BZW2: variants seen among roughly 807,000 people sequenced by gnomAD.
The protein encoded by BZW2 is basic leucine zipper and W2 domains 2.
A neutral mutation model predicts 53.2 loss-of-function variants in BZW2; 23 were observed. The ratio of observed to expected loss-of-function variants is 0.43; its 90% CI spans 0.31 to 0.61. BZW2 has a LOEUF of 0.61. Ranked by LOEUF, BZW2 falls within the 20% of genes least tolerant of loss-of-function variation. The pLI, the probability that BZW2 is intolerant of heterozygous loss-of-function variation, is 0.09. For synonymous variants in BZW2, 227 were observed against 186.4 expected (o/e 1.22, Z -1.77); for missense variants, 409 against 503.1 (o/e 0.81, Z 1.79).
chr7:16,702,312 G>C (rs1399454326), intron 10 of BZW2, among the ~76,000 whole-genome samples: 2 of 152,060 alleles, frequency 1.3e-5, no homozygotes, highest in African/African-American at 4.8e-5. Flanking sequence ...ATGGTGCTCT[G>C]TGTAGATACT....
At chr7:16,665,840 G>A (rs1041696701) in intron 2 of BZW2, among the ~76,000 whole-genome samples, 1 of 152,130 alleles carries the variant, frequency 6.6e-6, no homozygotes, top group African/African-American at 2.4e-5. Context: ...TTATGAAAAC[G>A]TTGATGGCAA....
intron 1 of BZW2, among the ~76,000 whole-genome samples, chr7:16,647,924 G>T (rs1781907605): frequency 6.7e-6 from 1 of 148,896 alleles, no homozygotes; most frequent in African/African-American, 2.4e-5. Flanking sequence ...TCTCACTGGG[G>T]TTGTCAGTTC....
At chr7:16,686,098 A>G in intron 6 of BZW2, 58 bp downstream of exon 6, 1 of 1,592,000 alleles carries the variant, frequency 6.3e-7, no homozygotes, top group Non-Finnish European at 8.6e-7. Context: ...AAAGTCACAG[A>G]TAGTTAGAAA....
chr7:16,703,418 A>C (rs532268096), intron 10 of BZW2, among the ~76,000 whole-genome samples: 2 of 152,202 alleles, frequency 1.3e-5, no homozygotes, highest in Non-Finnish European at 2.9e-5. Context: ...AAAATAAAAA[A>C]AGCCAATGTT....
intron 5 of BZW2, 29 bp from the exon 6 acceptor site, chr7:16,685,876 C>CTTTTTTTTTTTTTTTTTTTTTTTCTT: frequency 7.7e-7 from 1 of 1,293,584 alleles, no homozygotes; most frequent in Non-Finnish European, 9.9e-7. Context: ...TTTTCTTTTT[C>CTTTTTTTTTTTTTTTTTTTTTTTCTT]TTTTTTTTTT....
In BZW2 at chr7:16,682,348, A is replaced by G. The variant is rs374179099; in HGVS notation, c.340-432A>G. ...CATCCTTTATTGCCAGTAAATTATA[A>G]CACGTTTTGCTCATCTGCTAGAAAC... On this transcript the variant is annotated intron_variant, in intron 4 of 11. Transcript: ENST00000258761. Among the ~76,000 whole-genome samples, 12 of 152,292 alleles carry G rather than the reference A, an allele frequency of 7.9e-5. No homozygotes were observed. The East Asian group carries it at 1.7e-3, about 22-fold the overall frequency.
chr7:16,654,140 G>T (rs1213386106), intron 1 of BZW2, among the ~76,000 whole-genome samples: 1 of 150,596 alleles, frequency 6.6e-6, no homozygotes, highest in Non-Finnish European at 1.5e-5. Flanking sequence ...GGGAGACTGA[G>T]GCACGAGAAT....
At chr7:16,659,863 TA>T (rs1295344545) in intron 1 of BZW2, among the ~76,000 whole-genome samples, 6 of 151,296 alleles carry the variant, frequency 4.0e-5, no homozygotes, top group Non-Finnish European at 8.8e-5. Context: ...TTTTTTTTTT[TA>T]TTATACTTTA....
intron 10 of BZW2, among the ~76,000 whole-genome samples, chr7:16,700,018 G>A (rs1173791338): frequency 6.6e-6 from 1 of 152,138 alleles, no homozygotes; most frequent in Non-Finnish European, 1.5e-5. Context: ...AAGTTAGTGA[G>A]GTCTGTGGCA....
At chr7:16,660,549 C>A (rs1782227935) in intron 1 of BZW2, among the ~76,000 whole-genome samples, 1 of 151,966 alleles carries the variant, frequency 6.6e-6, no homozygotes, top group Non-Finnish European at 1.5e-5. Flanking sequence ...CTTCGAGCTA[C>A]TTTATTTGAA....
At chr7:16,656,615 T>C (rs1221415258) in intron 1 of BZW2, among the ~76,000 whole-genome samples, 1 of 151,140 alleles carries the variant, frequency 6.6e-6, no homozygotes, top group Non-Finnish European at 1.5e-5. Context: ...TTAGCATACA[T>C]TGATTACTCT....
intron 2 of BZW2, among the ~76,000 whole-genome samples, chr7:16,666,991 G>A (rs138306730): frequency 6.6e-6 from 1 of 151,876 alleles, no homozygotes; most frequent in East Asian, 2.0e-4. Flanking sequence ...TGTAAGAATA[G>A]CTGAACTGGG....
rs778754758 is a variant in BZW2, at chr7:16,685,931, C to T, written c.432C>T (p.Ser144=). The part of the protein sequence containing the change: ...KKLLLFLKAF[S]ETEQTKLAML... ...TTCTCCTCTTCCTTAAAGCCTTTTC[C>T]GAAACAGAGCAGACAAAGTTGGCGA... Residue 144 remains serine (S), a synonymous_variant, in exon 6 of 12, where the codon TCC becomes TCT. Transcript: ENST00000258761. 8.4e-6 allele frequency: 13 copies of T among 1,544,952 alleles called. No individual in the cohort carries two copies. The highest frequency in any genetic ancestry group is 2.4e-5 in the South Asian group (2 of 83,986).
chr7:16,686,454 T>C (rs1394321013), intron 6 of BZW2: 1 of 167,582 alleles, frequency 6.0e-6, no homozygotes, highest in East Asian at 1.6e-4. Flanking sequence ...CAGATATTCA[T>C]TTTGATTGCA....
chr7:16,680,087 G>C (rs1175554779), intron 3 of BZW2, among the ~76,000 whole-genome samples: 2 of 152,108 alleles, frequency 1.3e-5, no homozygotes. Flanking sequence ...GCAAGCATCG[G>C]AGTCCATGCT....
intron 1 of BZW2, among the ~76,000 whole-genome samples, chr7:16,652,851 G>C (rs1782022028): frequency 6.6e-6 from 1 of 152,206 alleles, no homozygotes; most frequent in Admixed American, 6.5e-5. Context: ...GTATGATTCA[G>C]AGAGCTTGTA....
At chr7:16,689,310 G>A (rs1204135014) in intron 6 of BZW2, among the ~76,000 whole-genome samples, 2 of 152,248 alleles carry the variant, frequency 1.3e-5, no homozygotes, top group African/African-American at 4.8e-5. Flanking sequence ...TCATCTATTC[G>A]TAGCAATACT....
At position 16,659,750 on chromosome 7, in the gene BZW2, C is replaced by T. The variant is rs996747895; in HGVS notation, c.-7-5687C>T. ...TCATGAGAACACTGCAGTGAAGTGT[C>T]TCAATTTTATTGAGTTTTGTGTGTT... On this transcript the variant is annotated intron_variant, in intron 1 of 11. Coordinates refer to ENST00000258761, the MANE Select transcript of BZW2 (RefSeq NM_014038.3). Among the ~76,000 whole-genome samples, 2 of 151,928 alleles carry T rather than the reference C, an allele frequency of 1.3e-5. 1 individual carries two copies. Among genetic ancestry groups the T allele is most frequent in the Admixed American group, 1.3e-4 (2 of 15,246 alleles).
At chr7:16,689,644 A>G (rs566848858) in intron 6 of BZW2, among the ~76,000 whole-genome samples, 153 bp from the exon 7 acceptor site, 1 of 152,340 alleles carries the variant, frequency 6.6e-6, no homozygotes. Context: ...TAATGAGAAG[A>G]GGAGAATTTG....
Sources: allele counts gnomAD v4.1 joint callset (sites outside exome capture counted in the v4.1 genomes callset), GRCh38; gene constraint gnomAD v4.1.1; transcripts MANE v1.5; gene names NCBI Gene and HGNC (gene_info 2026-07-23, HGNC 2026-07-21).